Variants in OTOG observed in about 807,000 individuals in gnomAD.
The protein encoded by OTOG is otogelin.
OTOG carries 296 observed loss-of-function variants against 313.8 expected under a neutral mutation model. That is an observed-to-expected ratio of 0.94 (90% CI 0.86 to 1.04). OTOG has a LOEUF of 1.04. Among genes scored for constraint, OTOG ranks in the 50% least tolerant of loss-of-function variants. OTOG has a pLI of 0.00. For synonymous variants in OTOG, 1,533 were observed against 1,554.9 expected (o/e 0.99, Z 0.33); for missense variants, 3,948 against 3,840.1 (o/e 1.03, Z -0.74).
At position 17,634,951 on chromosome 11, in the gene OTOG, G is replaced by A; in HGVS notation, c.7585+3G>A. 1 of 1,436,634 alleles carries A rather than the reference G, an allele frequency of 7.0e-7. No individual in the cohort carries two copies. The highest frequency in any genetic ancestry group is 9.5e-7 in the Non-Finnish European group (1 of 1,049,588). 89.0% of individuals were successfully genotyped at this position (1,436,634 alleles called of 1,614,324 possible). The stretch of plus-strand genomic sequence containing the variant: ...CTGCTGCCCCAGCTACAGCTGTGGT[G>A]AGAGGCCCGGGGTGGGGAGGGTGGG... On this transcript the variant is annotated splice_donor_region_variant and intron_variant, in intron 45 of 55. Coordinates refer to ENST00000399397, the MANE Select transcript of OTOG (RefSeq NM_001292063.2).
rs774788346 is a variant in OTOG, at chr11:17,630,312, TCTC to T, written c.6712+1000_6712+1002del. 6.0e-4 allele frequency among the ~76,000 whole-genome samples: 92 copies of T among 152,172 alleles called. 1 individual carries two copies. Among genetic ancestry groups the T allele is most frequent in the Non-Finnish European group, 1.1e-3 (78 of 68,004 alleles). ...CATCTTTTTCTCATCATTTCTTCCT[TCTC>T]CTCTGTTCATTGCCAGCAAAGAGCA... is the stretch of plus-strand genomic sequence containing the variant. On this transcript the variant is annotated intron_variant, in intron 40 of 55. Coordinates refer to ENST00000399397, the MANE Select transcript of OTOG (RefSeq NM_001292063.2).
At chr11:17,554,423 T>C (rs1024068266) in intron 6 of OTOG, among the ~76,000 whole-genome samples, 3 of 152,228 alleles carry the variant, frequency 2.0e-5, no homozygotes, top group Non-Finnish European at 4.4e-5. Flanking sequence ...GCCACTGTCA[T>C]GCAGGCCTGA....
Position 17,610,313 on chromosome 11 carries a change from A to G in OTOG, c.5013A>G (p.Ala1671=). 23 of 1,550,754 alleles carry G rather than the reference A, an allele frequency of 1.5e-5. No homozygotes were observed. Among genetic ancestry groups the G allele is most frequent in the Non-Finnish European group, 2.0e-5 (23 of 1,146,996 alleles). ...SGSHKAVLTP[A]VTKVISRTGV... is the part of the protein sequence containing the mutation. ...CCCACAAGGCTGTGCTGACACCTGC[A>G]GTAACTAAGGTCATAAGCAGGACAG... Residue 1671 remains alanine, a synonymous_variant, in exon 36 of 56, where the codon GCA becomes GCG. Coordinates refer to ENST00000399397, the MANE Select transcript of OTOG (RefSeq NM_001292063.2).
At chr11:17,613,269 CTCTCTG>C (rs1277534756) in intron 38 of OTOG, among the ~76,000 whole-genome samples, 10 of 89,700 alleles carry the variant, frequency 1.1e-4, no homozygotes, top group African/African-American at 3.5e-4. Flanking sequence ...CTTTCTTTCT[CTCTCTG>C]TCTGTCTTTC....
At chr11:17,601,949 C>T (rs1423989350) in intron 31 of OTOG, among the ~76,000 whole-genome samples, 1 of 152,074 alleles carries the variant, frequency 6.6e-6, no homozygotes, top group Non-Finnish European at 1.5e-5. Context: ...CCCTGTGGGT[C>T]GCCTTCTTCC....
At chr11:17,644,851 G>T (rs1565133261) in intron 54 of OTOG, among the ~76,000 whole-genome samples, 1 of 152,150 alleles carries the variant, frequency 6.6e-6, no homozygotes, top group South Asian at 2.1e-4. Flanking sequence ...CAGGGAGGGA[G>T]GACTGAGTAG....
At chr11:17,594,243 A>G in intron 28 of OTOG, 77 bp downstream of exon 28, 1 of 1,515,488 alleles carries the variant, frequency 6.6e-7, no homozygotes. Flanking sequence ...GCCCAAGGTC[A>G]GGGAAGAGGG....
At chr11:17,643,721 T>C (rs1426430830) in intron 54 of OTOG, among the ~76,000 whole-genome samples, 1 of 152,214 alleles carries the variant, frequency 6.6e-6, no homozygotes, top group African/African-American at 2.4e-5. Flanking sequence ...CTTGTTCCCA[T>C]ACAAAACCTC....
intron 33 of OTOG, among the ~76,000 whole-genome samples, chr11:17,607,361 G>A (rs914134123): frequency 6.6e-6 from 1 of 152,222 alleles, no homozygotes; most frequent in African/African-American, 2.4e-5. Context: ...CTTGTGCCAA[G>A]GTAGCCTGGG....
intron 32 of OTOG, among the ~76,000 whole-genome samples, 178 bp from the exon 33 acceptor site, chr11:17,605,678 GA>G (rs1281186294): frequency 6.6e-6 from 1 of 152,164 alleles, no homozygotes; most frequent in East Asian, 1.9e-4. Flanking sequence ...GAGATGGTGT[GA>G]GGGGCAGCTG....
At chr11:17,593,076 A>T in intron 25 of OTOG, 117 bp from the exon 26 acceptor site, 1 of 1,082,554 alleles carries the variant, frequency 9.2e-7, no homozygotes, top group Non-Finnish European at 1.3e-6. Flanking sequence ...AGCTCAGCTA[A>T]CACAAAGTAG....
chr11:17,570,187 T>G (rs1474824898), intron 16 of OTOG, 26 bp from the exon 17 acceptor site: 1 of 1,546,158 alleles, frequency 6.5e-7, no homozygotes, highest in East Asian at 2.4e-5. Context: ...GCCCTCCCAC[T>G]CTCTCCTTTT....
At chr11:17,561,620 G>C in intron 14 of OTOG, 42 bp from the exon 15 acceptor site, 11 of 1,549,132 alleles carry the variant, frequency 7.1e-6, no homozygotes, top group Non-Finnish European at 9.6e-6. Flanking sequence ...GAGTTCCCCT[G>C]GGGCGGCTCC....
At chr11:17,575,274 G>A (rs903645815) in intron 20 of OTOG, among the ~76,000 whole-genome samples, 1 of 152,244 alleles carries the variant, frequency 6.6e-6, no homozygotes, top group Non-Finnish European at 1.5e-5. Flanking sequence ...GCAGAGTTTA[G>A]CCCTCAGGGA....
chr11:17,617,779 A>G (rs1853760383), intron 39 of OTOG, among the ~76,000 whole-genome samples: 1 of 151,546 alleles, frequency 6.6e-6, no homozygotes, highest in African/African-American at 2.4e-5. Context: ...TATTATTTTT[A>G]TATTTTCTAT....
In OTOG at chr11:17,640,757, C is replaced by T; in HGVS notation, c.7948C>T (p.Gln2650Ter). The T allele has an allele frequency of 6.5e-7, 1 of 1,550,048 alleles. No individual in the cohort carries two copies. The highest frequency in any genetic ancestry group is 8.7e-7 in the Non-Finnish European group (1 of 1,146,988). ...VPRCHLWEKS[Q>*]LDEEFMHSVE... ...CTGCCCCACCCAGTGGGAGAAATCC[C>T]AGCTGGATGAGGAGTTCATGCACAG... Residue 2650 changes from glutamine (Q) to a stop codon, truncating the protein, a stop_gained, in exon 50 of 56, where the codon CAG (glutamine) becomes TAG (stop). Transcript: ENST00000399397. LOFTEE classifies it high-confidence loss of function.
chr11:17,638,334 TG>T (rs1590060233), intron 47 of OTOG, 116 bp from the exon 48 acceptor site: 2 of 865,384 alleles, frequency 2.3e-6, no homozygotes, highest in East Asian at 2.7e-5. Flanking sequence ...CTGAGGACAG[TG>T]GGGGTCACTA....
chr11:17,606,096 A>G lies in OTOG; in HGVS notation c.4117A>G (p.Thr1373Ala). The G allele has an allele frequency of 6.5e-7, 1 of 1,548,002 alleles. No individual in the cohort carries two copies. Among genetic ancestry groups the G allele is most frequent in the Admixed American group, 2.0e-5 (1 of 50,924 alleles). ...AVLALRLYEH[T>A]EVFRRGTLFR... ...GCTGGCCCTGCGGCTGTACGAACACACAGAGGTGTTCCGCCGGGGCACACT... is the reference window on the plus strand; with the variant it reads ...GCTGGCCCTGCGGCTGTACGAACACGCAGAGGTGTTCCGCCGGGGCACACT... Residue 1373 changes from threonine (T) to alanine (A), a missense_variant, in exon 33 of 56, where the codon ACA (threonine) becomes GCA (alanine). Physicochemically the swap from Thr to Ala is moderately conservative, Grantham distance 58 (BLOSUM62 0). Coordinates refer to ENST00000399397, the MANE Select transcript of OTOG (RefSeq NM_001292063.2).
chr11:17,631,957 T>C, intron 41 of OTOG, 35 bp downstream of exon 41: 4 of 1,545,364 alleles, frequency 2.6e-6, no homozygotes, highest in Non-Finnish European at 3.5e-6. Context: ...TGGGGACACC[T>C]CCTGGGCTGG....
Sources: allele counts gnomAD v4.1 joint callset (sites outside exome capture counted in the v4.1 genomes callset), GRCh38; gene constraint gnomAD v4.1.1; transcripts MANE v1.5; gene names NCBI Gene and HGNC (gene_info 2026-07-23, HGNC 2026-07-21).